Variants in RUBCN observed in about 807,000 individuals in gnomAD.
The protein encoded by RUBCN is rubicon autophagy regulator, also known as run domain Beclin-1-interacting and cysteine-rich domain-containing protein.
In RUBCN, 74 loss-of-function variants were observed where a neutral mutation model predicts 113.2. The ratio of observed to expected loss-of-function variants is 0.65; its 90% confidence interval spans 0.54 to 0.79. The LOEUF is 0.79. RUBCN is among the 30% of genes least tolerant of loss of function. RUBCN has a pLI of 0.00. For missense variants in RUBCN, 1,109 were observed against 1,251.7 expected (o/e 0.89, Z 1.72); for synonymous variants, 480 against 490.0 (o/e 0.98, Z 0.27).
At chr3:197,744,974 A>G (rs1728674112) in intron 1 of RUBCN, among the ~76,000 whole-genome samples, 1 of 152,162 alleles carries the variant, frequency 6.6e-6, no homozygotes, top group Non-Finnish European at 1.5e-5. Context: ...ATTATCAAAT[A>G]TATCTCAAAA....
rs141896321 is a variant in RUBCN, at chr3:197,695,383, C to G, written c.1473+483G>C. ...AATCCCAGCACTTAGGGAGGCCAAG[C>G]CCAGGAGTTCAAGACCAGCTTGGGC... On this transcript the variant is annotated intron_variant, in intron 9 of 19. Coordinates refer to ENST00000296343, the MANE Select transcript of RUBCN (RefSeq NM_014687.4). Among the ~76,000 whole-genome samples, 40 of 152,268 alleles carry G rather than the reference C, an allele frequency of 2.6e-4. 2 individuals are homozygous for G. In the East Asian group the frequency reaches 7.7e-3, roughly 29 times the overall value.
chr3:197,706,619 G>A (rs1041383852), intron 2 of RUBCN, among the ~76,000 whole-genome samples: 2 of 152,038 alleles, frequency 1.3e-5, no homozygotes, highest in African/African-American at 4.8e-5. Flanking sequence ...AGGAGGCAGA[G>A]GTTGCAGTAA....
intron 1 of RUBCN, among the ~76,000 whole-genome samples, chr3:197,727,429 TAATA>T (rs1726887635): frequency 6.6e-6 from 1 of 152,220 alleles, no homozygotes; most frequent in South Asian, 2.1e-4. Flanking sequence ...TGCATAAATC[TAATA>T]AATCCAACAA....
chr3:197,740,352 C>T (rs2109021663), upstream of RUBCN, among the ~76,000 whole-genome samples: 1 of 151,700 alleles, frequency 6.6e-6, no homozygotes, highest in Middle Eastern at 3.4e-3. Flanking sequence ...GCCTGTAATC[C>T]CAGCTACTCG....
chr3:197,716,538 T>C (rs942779568), intron 2 of RUBCN, among the ~76,000 whole-genome samples: 1 of 152,258 alleles, frequency 6.6e-6, no homozygotes, highest in African/African-American at 2.4e-5. Context: ...AAAACCAGCA[T>C]GGTTTTAAAA....
chr3:197,679,252 C>T (rs551646536), intron 16 of RUBCN, among the ~76,000 whole-genome samples: 6 of 148,868 alleles, frequency 4.0e-5, no homozygotes, highest in South Asian at 2.2e-4. Flanking sequence ...GACTGTCCTA[C>T]GCTCTGACAA....
intron 1 of RUBCN, among the ~76,000 whole-genome samples, chr3:197,747,525 ATCTT>A (rs1728800623): frequency 6.6e-6 from 1 of 151,824 alleles, no homozygotes; most frequent in African/African-American, 2.4e-5. Flanking sequence ...CAGGTCGAGA[ATCTT>A]TATTATATTA....
chr3:197,729,315 C>T lies in RUBCN; in HGVS notation c.65+7340G>A, dbSNP rs541643854. 3.3e-5 allele frequency among the ~76,000 whole-genome samples: 5 copies of T among 152,032 alleles called. No individual in the cohort carries two copies. The East Asian group carries it at 7.8e-4, about 24-fold the overall frequency. On this transcript the variant is annotated intron_variant, in intron 1 of 19. Coordinates refer to ENST00000296343, the MANE Select transcript of RUBCN (RefSeq NM_014687.4). ...TCGCCCAGCCTGGAGTGCAGCGGCG[C>T]GATCTCGGCTCACTACAAGTTCTGC... is the stretch of plus-strand genomic sequence containing the variant.
intron 11 of RUBCN, among the ~76,000 whole-genome samples, chr3:197,684,701 TATATACGC>T (rs1327522690): frequency 1.3e-5 from 2 of 151,158 alleles, no homozygotes; most frequent in Non-Finnish European, 2.9e-5. Flanking sequence ...TATATATACA[TATATACGC>T]ACACACATAT....
rs1396205499 is a variant in RUBCN at position 197,696,063 on chromosome 3, CTTCCCAGG to C, written c.1358-90_1358-83del. 3 of 1,326,728 alleles carry C rather than the reference CTTCCCAGG, an allele frequency of 2.3e-6. No homozygotes were observed. The African/African-American group carries it at 4.3e-5, about 19-fold the overall frequency. The allele number at this position is 1,326,728 out of a possible 1,614,324, so 82.2% of individuals were successfully genotyped here. ...TTTGTCATTAAAGATGCTCCCAAGT[CTTCCCAGG>C]TAACTGGGAATTAGAGGTTGGAAGA... On this transcript the variant is annotated intron_variant, in intron 8 of 19. Transcript: ENST00000296343.
At chr3:197,691,498 C>A (rs1465513298) in intron 11 of RUBCN, among the ~76,000 whole-genome samples, 1 of 152,102 alleles carries the variant, frequency 6.6e-6, no homozygotes, top group Admixed American at 6.6e-5. Context: ...CAGTCCACAG[C>A]CCAATCCGTC....
chr3:197,678,913 G>T (rs1204785868), intron 16 of RUBCN, among the ~76,000 whole-genome samples: 1 of 147,310 alleles, frequency 6.8e-6, no homozygotes, highest in African/African-American at 2.5e-5. Context: ...CTAACAACTG[G>T]CTTCAGACTG....
chr3:197,721,778 G>C (rs1726195917), intron 1 of RUBCN, among the ~76,000 whole-genome samples: 1 of 152,058 alleles, frequency 6.6e-6, no homozygotes, highest in Admixed American at 6.5e-5. Context: ...TTTTTGGTAT[G>C]TTGTGTTTCC....
chr3:197,695,234 C>T (rs956891898), intron 9 of RUBCN, among the ~76,000 whole-genome samples: 1 of 150,064 alleles, frequency 6.7e-6, no homozygotes, highest in East Asian at 2.0e-4. Flanking sequence ...AATCCCAGCA[C>T]TCTGGGAGGC....
chr3:197,694,736 T>C, intron 9 of RUBCN, 151 bp from the exon 10 acceptor site: 3 of 739,328 alleles, frequency 4.1e-6, no homozygotes, highest in Non-Finnish European at 4.8e-6. Context: ...GGAAAGCTGA[T>C]GGCTGGAAAA....
At chr3:197,710,967 A>C in intron 2 of RUBCN, among the ~76,000 whole-genome samples, 1 of 152,152 alleles carries the variant, frequency 6.6e-6, no homozygotes, top group East Asian at 1.9e-4. Context: ...CTGGGACTAC[A>C]GGCACATGCC....
chr3:197,713,296 A>G (rs1488870136), intron 2 of RUBCN, among the ~76,000 whole-genome samples: 5 of 152,324 alleles, frequency 3.3e-5, no homozygotes, highest in Admixed American at 3.3e-4. Context: ...GTCTTGTAAT[A>G]TGGTTAAGTG....
intron 2 of RUBCN, among the ~76,000 whole-genome samples, chr3:197,710,693 G>A (rs571035789): frequency 3.0e-4 from 46 of 150,828 alleles, no homozygotes; most frequent in Middle Eastern, 6.9e-3. Flanking sequence ...AATAAATAAA[G>A]AATATCTATA....
At chr3:197,722,360 T>G (rs182300106) in intron 1 of RUBCN, among the ~76,000 whole-genome samples, 80 of 152,282 alleles carry the variant, frequency 5.3e-4, no homozygotes, top group Non-Finnish European at 1.0e-3. Context: ...TTCCATGTGC[T>G]GCTGAGAAGA....
Sources: allele counts gnomAD v4.1 joint callset (sites outside exome capture counted in the v4.1 genomes callset), GRCh38; gene constraint gnomAD v4.1.1; transcripts MANE v1.5; gene names NCBI Gene and HGNC (gene_info 2026-07-23, HGNC 2026-07-21).